Variants in CRACDL observed in about 807,000 individuals in gnomAD.
The protein encoded by CRACDL is CRACD-like protein.
CRACDL carries 26 observed loss-of-function variants against 70.6 expected under a neutral mutation model. The ratio of observed to expected loss-of-function variants is 0.37; its 90% CI spans 0.27 to 0.51. CRACDL has a LOEUF of 0.51. CRACDL is among the 20% of genes least tolerant of loss of function. CRACDL has a pLI of 0.94. For missense variants in CRACDL, 1,283 were observed against 1,376.9 expected, an observed-to-expected ratio of 0.93 and a Z score of 1.08; for synonymous variants, 618 against 615.2, an observed-to-expected ratio of 1.00 and a Z score of -0.07.
Position 98,797,396 on chromosome 2 carries a change from A to G in CRACDL, c.2558T>C (p.Leu853Pro). ...GGCTTGCTTTCCTGGTTCAGACTTC[A>G]GGGTCCGTGCCCCAGGCTTGTCTTC... ...NQEDKPGART[L>P]KSEPGKQAKV... is the part of the protein sequence containing the mutation. Residue 853 changes from leucine to proline, a missense_variant, in exon 8 of 10, where the codon CTG (leucine) becomes CCG (proline). Leu to Pro is a moderately conservative substitution (Grantham distance 98, BLOSUM62 -3). Transcript: ENST00000397899. The G allele has an allele frequency of 1.2e-6, 2 of 1,614,174 alleles. No individual in the cohort carries two copies. The highest frequency in any genetic ancestry group is 1.7e-6 in the Non-Finnish European group (2 of 1,180,016).
At chr2:98,861,462 C>A (rs2104573040) in intron 1 of CRACDL, among the ~76,000 whole-genome samples, 1 of 152,240 alleles carries the variant, frequency 6.6e-6, no homozygotes, top group African/African-American at 2.4e-5. Flanking sequence ...AAACTGGAGC[C>A]TTCATTCATT....
At chr2:98,807,356 C>T (rs1277929987) in intron 7 of CRACDL, among the ~76,000 whole-genome samples, 2 of 152,238 alleles carry the variant, frequency 1.3e-5, no homozygotes, top group African/African-American at 4.8e-5. Context: ...GCACTGCTGA[C>T]ATTTTGGGCT....
In CRACDL at chr2:98,823,316, C is replaced by G. The variant is rs1318696473; in HGVS notation, c.957G>C (p.Thr319=). The G allele has an allele frequency of 1.4e-6, 2 of 1,450,082 alleles. No individual in the cohort carries two copies. The highest frequency in any genetic ancestry group is 2.6e-5 in the East Asian group (1 of 38,412). The allele number at this position is 1,450,082 out of a possible 1,614,324, so 89.8% of individuals were successfully genotyped here. Residue 319 remains threonine (T), a synonymous_variant, in exon 7 of 10, where the codon ACG becomes ACC. Coordinates refer to ENST00000397899, the MANE Select transcript of CRACDL (RefSeq NM_207362.3). This position sits in a 1 kb window ranked among gnomAD's most constrained non-coding sequence, Gnocchi z 4.0. ...GGACGCCCCCCTCCTCCACGCTGGC[C>G]GTGAGCGCGGAGGAGTGCTGCAGGC... The part of the protein sequence containing the change: ...RARLQHSSAL[T]ASVEEGGVPG...
intron 1 of CRACDL, among the ~76,000 whole-genome samples, chr2:98,935,443 A>G (rs1709182524): frequency 6.6e-6 from 1 of 152,042 alleles, no homozygotes; most frequent in Non-Finnish European, 1.5e-5. Context: ...TCTTAGATCA[A>G]CTCCAGAATC....
At chr2:98,837,660 T>C (rs1705856055) in intron 3 of CRACDL, among the ~76,000 whole-genome samples, 1 of 152,134 alleles carries the variant, frequency 6.6e-6, no homozygotes, top group South Asian at 2.1e-4. Flanking sequence ...TTTGGATGAT[T>C]TTTTTTCTAA....
At chr2:98,829,212 G>A (rs150982273) in intron 5 of CRACDL, among the ~76,000 whole-genome samples, 197 of 152,344 alleles carry the variant, frequency 1.3e-3, no homozygotes, top group African/African-American at 4.5e-3. Flanking sequence ...CCTGTGGGCC[G>A]CCCTGCGTCT....
chr2:98,844,637 T>G (rs945896078), intron 2 of CRACDL, among the ~76,000 whole-genome samples: 1 of 152,254 alleles, frequency 6.6e-6, no homozygotes, highest in Non-Finnish European at 1.5e-5. Flanking sequence ...TTGGAGATAC[T>G]GGAGACTTCG....
At chr2:98,894,235 G>T (rs968119362) in intron 1 of CRACDL, among the ~76,000 whole-genome samples, 1 of 152,222 alleles carries the variant, frequency 6.6e-6, no homozygotes, top group Admixed American at 6.5e-5. Flanking sequence ...AGAGTGGGAA[G>T]AGGGTGAGAA....
intron 6 of CRACDL, among the ~76,000 whole-genome samples, chr2:98,824,176 A>G (rs1479050836): frequency 6.6e-6 from 1 of 152,160 alleles, no homozygotes; most frequent in Non-Finnish European, 1.5e-5. Context: ...TTAAAGTCCT[A>G]GATTCTCTGG....
Position 98,873,433 on chromosome 2 carries a change from A to G in CRACDL, c.-10-26623T>C, listed in dbSNP as rs540560178. ...CACAGCTTCCCTTCTGGGCTCCACT[A>G]CCTCTAATGTAGCAATGCACAACCC... On this transcript the variant is annotated intron_variant, in intron 1 of 9. Coordinates refer to ENST00000397899, the MANE Select transcript of CRACDL (RefSeq NM_207362.3). Among the ~76,000 whole-genome samples the G allele has an allele frequency of 2.6e-5, 4 of 152,128 alleles. No homozygotes were observed. The South Asian group carries it at 8.3e-4, about 32-fold the overall frequency.
intron 1 of CRACDL, among the ~76,000 whole-genome samples, chr2:98,851,015 T>C (rs770981398): frequency 9.2e-5 from 14 of 152,360 alleles, no homozygotes; most frequent in Non-Finnish European, 1.5e-4. Context: ...ATCTGTACCC[T>C]GACTCCATAC....
chr2:98,844,904 T>C (rs1706186638), intron 2 of CRACDL, among the ~76,000 whole-genome samples: 1 of 152,238 alleles, frequency 6.6e-6, no homozygotes, highest in African/African-American at 2.4e-5. Flanking sequence ...GTTCTCTGAA[T>C]TACCCAAATG....
At chr2:98,934,316 G>C (rs576136213) in intron 1 of CRACDL, among the ~76,000 whole-genome samples, 1 of 150,696 alleles carries the variant, frequency 6.6e-6, no homozygotes, top group Non-Finnish European at 1.5e-5. Context: ...CCCCTGCCTC[G>C]GCCTCCCGAG....
At chr2:98,911,136 C>T (rs974062916) in intron 1 of CRACDL, among the ~76,000 whole-genome samples, 8 of 152,332 alleles carry the variant, frequency 5.3e-5, no homozygotes, top group African/African-American at 1.4e-4. Flanking sequence ...CTCCTGCTCT[C>T]GTCACAGGCA....
chr2:98,844,949 G>T (rs564396162), intron 2 of CRACDL, among the ~76,000 whole-genome samples: 3 of 152,222 alleles, frequency 2.0e-5, no homozygotes, highest in South Asian at 2.1e-4. Context: ...CAAAAGGGTT[G>T]GTTTACCCCT....
intron 1 of CRACDL, among the ~76,000 whole-genome samples, chr2:98,911,861 G>C (rs1708554788): frequency 2.0e-5 from 3 of 152,092 alleles, no homozygotes; most frequent in South Asian, 4.1e-4. Flanking sequence ...TGTGTGTTTC[G>C]CATATGGCTA....
chr2:98,902,359 C>T (rs767889963), intron 1 of CRACDL, among the ~76,000 whole-genome samples: 7 of 152,138 alleles, frequency 4.6e-5, no homozygotes, highest in Non-Finnish European at 1.0e-4. Context: ...GATGACCCTG[C>T]CTCTCAGCCA....
At chr2:98,866,854 C>T (rs1003372074) in intron 1 of CRACDL, among the ~76,000 whole-genome samples, 2 of 152,072 alleles carry the variant, frequency 1.3e-5, no homozygotes, top group African/African-American at 4.8e-5. Context: ...CTTTCAAAAT[C>T]TATGACTCAG....
chr2:98,925,111 G>GGAGA (rs1483948278), intron 1 of CRACDL, among the ~76,000 whole-genome samples: 1 of 152,194 alleles, frequency 6.6e-6, no homozygotes, highest in East Asian at 1.9e-4. Flanking sequence ...TAGGGGCTGG[G>GGAGA]GAGAGGCAAG....
Sources: gnomAD v4.1 joint callset for allele counts (sites outside exome capture counted in the v4.1 genomes callset) on GRCh38, gnomAD v4.1.1 for gene constraint, Gnocchi (gnomAD v3.1) non-coding constraint, MANE v1.5 for transcripts, NCBI Gene and HGNC (gene_info 2026-07-23, HGNC 2026-07-21) for gene names.